LMLN: variants seen among roughly 807,000 people sequenced by gnomAD.
LMLN encodes the protein leishmanolysin-like peptidase.
A neutral mutation model predicts 92.3 loss-of-function variants in LMLN; 70 were observed. The observed-to-expected ratio is 0.76, with a 90% CI of 0.63 to 0.92. LMLN has a LOEUF of 0.92. LMLN is among the 40% of genes least tolerant of loss of function. LMLN has a pLI of 0.00. For synonymous variants in LMLN, 308 were observed against 296.2 expected (o/e 1.04, Z -0.41); for missense variants, 691 against 814.6 (o/e 0.85, Z 1.85).
exon 15 of LMLN, chr3:198,035,934 C>T: frequency 6.2e-7 from 1 of 1,614,098 alleles, no homozygotes; most frequent in East Asian, 2.2e-5. Flanking sequence ...AGATGAATGG[C>T]TGGATTCACG....
At chr3:197,991,666 C>T (rs1417983968) in intron 9 of LMLN, among the ~76,000 whole-genome samples, 1 of 152,098 alleles carries the variant, frequency 6.6e-6, no homozygotes, top group South Asian at 2.1e-4. Flanking sequence ...CCAGAAAACA[C>T]CTTCACAGAA....
Position 198,042,597 on chromosome 3 carries a change from G to C in LMLN, c.*3930G>C, listed in dbSNP as rs1723437225. On this transcript the variant is annotated 3_prime_UTR_variant, in exon 16 of 16. Coordinates refer to ENST00000330198, the Ensembl canonical transcript of LMLN. This position sits in a 1 kb window ranked among gnomAD's most constrained non-coding sequence, Gnocchi z 4.2. ...TGGGCCGGCTGCAGCTGTAGTGGAA[G>C]TGAGGGACACAGGGAAGGAATGGGG... is the stretch of plus-strand genomic sequence containing the variant. 6.6e-6 allele frequency: 1 copy of C among 152,326 alleles called. No individual in the cohort carries two copies. Among genetic ancestry groups the C allele is most frequent in the Non-Finnish European group, 1.5e-5 (1 of 68,132 alleles). The allele number at this position is 152,326 out of a possible 1,614,324, so 9.4% of individuals were successfully genotyped here. A position where few individuals can be genotyped will look rare whatever the true frequency, so the allele number is the denominator to read the frequency against.
At position 198,024,830 on chromosome 3, in the gene LMLN, A is replaced by G. The variant is rs1229076535; in HGVS notation, c.1656+42A>G. ...TATTAGTTGTGCCAAATATTATGTG[A>G]TTTTATCTCTTTTATGGTTTTGTAT... On this transcript the variant is annotated intron_variant, in intron 14 of 15. Transcript: ENST00000330198. 4.0e-6 allele frequency: 6 copies of G among 1,517,870 alleles called. No individual in the cohort carries two copies. In the African/African-American group the frequency reaches 8.4e-5, roughly 21 times the overall value. 94.0% of individuals were successfully genotyped at this position (1,517,870 alleles called of 1,614,324 possible). A position where few individuals can be genotyped will look rare whatever the true frequency, so the allele number is the denominator to read the frequency against.
intron 1 of LMLN, among the ~76,000 whole-genome samples, chr3:197,962,303 T>C (rs1391335470): frequency 1.3e-5 from 2 of 151,998 alleles, no homozygotes; most frequent in East Asian, 3.8e-4. Context: ...TTGTATGTGA[T>C]AGTAATTTAT....
intron 11 of LMLN, among the ~76,000 whole-genome samples, chr3:198,015,578 TCAGAGCCCCC>T (rs1201874055): frequency 5.9e-5 from 8 of 136,652 alleles, no homozygotes; most frequent in African/African-American, 2.0e-4. Context: ...TCTCCACCCT[TCAGAGCCCCC>T]TAACTAGTCT....
intron 12 of LMLN, among the ~76,000 whole-genome samples, chr3:198,020,453 A>G (rs1297688328): frequency 2.0e-5 from 3 of 152,360 alleles, no homozygotes; most frequent in African/African-American, 7.2e-5. Context: ...TTGTGAGCTC[A>G]CTGAATGCTT....
rs1225781664 is a variant in LMLN, at chr3:198,031,915, A to C, written c.1657-3918A>C. Among the ~76,000 whole-genome samples, 1 of 152,100 alleles carries C rather than the reference A, an allele frequency of 6.6e-6. No homozygotes were observed. Among genetic ancestry groups the C allele is most frequent in the Non-Finnish European group, 1.5e-5 (1 of 68,008 alleles). On this transcript the variant is annotated intron_variant, in intron 14 of 15. Transcript: ENST00000330198. This position sits in a 1 kb window ranked among gnomAD's most constrained non-coding sequence, Gnocchi z 4.8. ...TCAAGAGTTTGAAAGCAGCCTGGCCAACATGATGAAACCCCTCATCTACTA... is the reference window on the plus strand; with the variant it reads ...TCAAGAGTTTGAAAGCAGCCTGGCCCACATGATGAAACCCCTCATCTACTA...
exon 16 of LMLN, chr3:198,038,813 G>C (rs1581191786): frequency 1.5e-6 from 1 of 650,032 alleles, no homozygotes; most frequent in East Asian, 2.7e-5. Flanking sequence ...ATCAGACCTT[G>C]AAGCAGAACT....
rs533430510 is a variant in LMLN, at chr3:197,983,875, T to A, written c.729-68T>A. ...TTTTCTGTCCTTGAGCAGTATTTGA[T>A]GGAGAAGTAAATGTTAATAAATATT... On this transcript the variant is annotated intron_variant, in intron 6 of 15. Transcript: ENST00000330198. The A allele has an allele frequency of 5.1e-5, 54 of 1,051,838 alleles. No homozygotes were observed. In the African/African-American group the frequency reaches 8.0e-4, roughly 16 times the overall value. The allele number at this position is 1,051,838 out of a possible 1,614,324, so 65.2% of individuals were successfully genotyped here.
At chr3:198,012,835 C>T (rs1383419880) in intron 11 of LMLN, among the ~76,000 whole-genome samples, 2 of 147,830 alleles carry the variant, frequency 1.4e-5, no homozygotes, top group East Asian at 3.9e-4. Flanking sequence ...CTTCTCTCCA[C>T]CCTTCAGAGT....
chr3:197,982,035 A>G (rs1721571337), intron 6 of LMLN, among the ~76,000 whole-genome samples: 1 of 152,000 alleles, frequency 6.6e-6, no homozygotes. Flanking sequence ...TGAACCCCTG[A>G]CCTCAGGTGA....
At chr3:197,992,089 CAA>C (rs869163432) in intron 9 of LMLN, among the ~76,000 whole-genome samples, 23 of 65,570 alleles carry the variant, frequency 3.5e-4, no homozygotes, top group Non-Finnish European at 4.7e-4. Context: ...GACCCTGTCT[CAA>C]AAAAAAAAAA....
intron 14 of LMLN, among the ~76,000 whole-genome samples, chr3:198,028,908 G>T (rs1485188031): frequency 6.6e-6 from 1 of 152,192 alleles, no homozygotes; most frequent in Non-Finnish European, 1.5e-5. Context: ...CTGTTCTGTG[G>T]TGTGTATTAA....
chr3:198,021,674 G>A, intron 13 of LMLN, 69 bp downstream of exon 14: 1 of 1,388,878 alleles, frequency 7.2e-7, no homozygotes, highest in Non-Finnish European at 1.0e-6. Flanking sequence ...TAGAATCGTG[G>A]TTAAGGGCAC....
At position 198,038,373 on chromosome 3, in the gene LMLN, C is replaced by T. The variant is rs117911628; in HGVS notation, c.1868-194C>T. On this transcript the variant is annotated intron_variant, in intron 15 of 15. Transcript: ENST00000330198. The stretch of plus-strand genomic sequence containing the variant: ...TGACATAGTGGATACATCATTTCTT[C>T]CTCCATATATATTTTTCCTCCATTA... 681 of 518,562 alleles carry T rather than the reference C, an allele frequency of 1.3e-3. 6 individuals carry two copies. In the East Asian group the frequency reaches 0.016, roughly 12 times the overall value. 32.1% of individuals were successfully genotyped at this position (518,562 alleles called of 1,614,324 possible). A position where few individuals can be genotyped will look rare whatever the true frequency, so the allele number is the denominator to read the frequency against.
chr3:197,963,399 C>G (rs920053682), intron 1 of LMLN, among the ~76,000 whole-genome samples: 10 of 151,960 alleles, frequency 6.6e-5, no homozygotes, highest in Non-Finnish European at 1.3e-4. Context: ...AGACAGAGTC[C>G]AGGTGGGTTT....
At chr3:197,970,235 A>T (rs1721186798) in intron 1 of LMLN, among the ~76,000 whole-genome samples, 1 of 152,178 alleles carries the variant, frequency 6.6e-6, no homozygotes, top group African/African-American at 2.4e-5. Flanking sequence ...TTAAATATTT[A>T]TTTGTCTCCA....
Position 197,983,947 on chromosome 3 carries a change from A to G in LMLN, c.733A>G (p.Ile245Val), listed in dbSNP as rs374807535. The change falls in exon 7 of 16, where the codon ATA becomes GTA. Residue 245 changes from isoleucine (I) to valine (V), a missense_variant. This residue lies in a region of LMLN where 240 missense variants were observed against 287.3 expected (regional missense o/e 0.84). Transcript: ENST00000330198. Reference sequence around the variant, plus strand: ...ATTCAATGTCTGTTTTGACAGGCCAATAGCAGGATATGCTAACCTGTGTCC... The same window carrying G: ...ATTCAATGTCTGTTTTGACAGGCCAGTAGCAGGATATGCTAACCTGTGTCC... The G allele has an allele frequency of 3.2e-5, 52 of 1,602,506 alleles. No homozygotes were observed. Among genetic ancestry groups the G allele is most frequent in the African/African-American group, 5.4e-5 (4 of 74,650 alleles).
At chr3:198,039,439 A>G (rs1723336955) in exon 16 of LMLN, 1 of 152,194 alleles carries the variant, frequency 6.6e-6, no homozygotes, top group Non-Finnish European at 1.5e-5. Context: ...TCTACATATC[A>G]TTATTATACC....
Sources: allele counts gnomAD v4.1 joint callset (sites outside exome capture counted in the v4.1 genomes callset), GRCh38; gene constraint gnomAD v4.1.1; regional missense constraint gnomAD v4.1.1; non-coding constraint Gnocchi (gnomAD v3.1); transcripts MANE v1.5; gene names NCBI Gene and HGNC (gene_info 2026-07-23, HGNC 2026-07-21).